The following PKD1L3 variants were observed in gnomAD, a reference collection of about 807,000 sequenced individuals.
The protein encoded by PKD1L3 is polycystin-1-like protein 3.
Under a neutral mutation model 184.1 loss-of-function variants are expected in PKD1L3, and 239 were observed. The observed-to-expected ratio is 1.30, with a 90% CI of 1.17 to 1.45. The LOEUF (loss-of-function observed/expected upper bound fraction) is 1.45. PKD1L3 is among the 40% of genes most tolerant of loss of function. The pLI is 0.00. For missense variants in PKD1L3, 2,660 were observed against 2,067.2 expected, an observed-to-expected ratio of 1.29 and a Z score of -5.56; for synonymous variants, 996 against 778.8, an observed-to-expected ratio of 1.28 and a Z score of -4.64.
chr16:71,941,410 A>G (rs2143215506), intron 24 of PKD1L3, among the ~76,000 whole-genome samples: 1 of 152,152 alleles, frequency 6.6e-6, no homozygotes, highest in Admixed American at 6.5e-5. Flanking sequence ...AAGATGGAAA[A>G]CAGAAGCAAA....
chr16:71,931,096 GTTT>G (rs923098777), intron 28 of PKD1L3: 1 of 151,934 alleles, frequency 6.6e-6, no homozygotes, highest in African/African-American at 2.4e-5. Flanking sequence ...TGCTCTATTT[GTTT>G]TTTAATGTTT....
intron 28 of PKD1L3, 70 bp downstream of exon 28, chr16:71,933,350 C>T (rs1567485300): frequency 3.3e-6 from 4 of 1,206,516 alleles, no homozygotes; most frequent in Non-Finnish European, 4.8e-6. Context: ...GGGCTGTTTT[C>T]ATAAGGACCC....
chr16:71,997,104 C>T (rs946335311), intron 2 of PKD1L3, among the ~76,000 whole-genome samples: 3 of 152,042 alleles, frequency 2.0e-5, no homozygotes, highest in Admixed American at 6.6e-5. Flanking sequence ...AGTATGACTG[C>T]TATGGCTAGA....
intron 15 of PKD1L3, among the ~76,000 whole-genome samples, chr16:71,966,000 C>G (rs899159718): frequency 6.6e-6 from 1 of 151,886 alleles, no homozygotes; most frequent in African/African-American, 2.4e-5. Flanking sequence ...GGATGGTTTA[C>G]AAGCTGATTT....
chr16:71,988,846 G>C (rs1030234547), intron 4 of PKD1L3, among the ~76,000 whole-genome samples: 1 of 152,228 alleles, frequency 6.6e-6, no homozygotes, highest in Admixed American at 6.5e-5. Context: ...TGGACAAATA[G>C]TTGTGAAGAA....
intron 16 of PKD1L3, among the ~76,000 whole-genome samples, chr16:71,959,084 CAAAAAAA>C (rs34063785): frequency 2.6e-4 from 20 of 77,032 alleles, no homozygotes; most frequent in African/African-American, 9.0e-4. Flanking sequence ...ACTCCCGTCT[CAAAAAAA>C]AAAAAAAAAA....
chr16:71,935,425 C>G lies in PKD1L3; in HGVS notation c.4546G>C (p.Gly1516Arg), dbSNP rs373016656. Residue 1516 changes from glycine to arginine, a missense_variant, in exon 26 of 30, where the codon GGG becomes CGG. By Grantham distance (125) the Gly-to-Arg change is moderately radical. Coordinates refer to ENST00000620267, the MANE Select transcript of PKD1L3 (RefSeq NM_181536.2). ...SIILISFILL[G>R]LDMKSISLHK... ...AGAGAAATACTCTTCATGTCAAGCC[C>G]CAGGAGGATGAAGCTAATGAGGATT... 7.1e-6 allele frequency: 11 copies of G among 1,551,858 alleles called. No homozygotes were observed. The highest frequency in any genetic ancestry group is 8.7e-6 in the Non-Finnish European group (10 of 1,147,050).
rs2038761764 is a variant in PKD1L3, at chr16:71,949,884, C to T, written c.3517G>A (p.Ala1173Thr). 1 of 1,551,500 alleles carries T rather than the reference C, an allele frequency of 6.4e-7. No homozygotes were observed. Among genetic ancestry groups the T allele is most frequent in the African/African-American group, 1.4e-5 (1 of 73,004 alleles). Residue 1173 changes from alanine to threonine, a missense_variant, in exon 21 of 30, where the codon GCA becomes ACA. Physicochemically the swap from Ala to Thr is moderately conservative, Grantham distance 58. Transcript: ENST00000620267. Reference sequence around the variant, plus strand: ...TTGCTCAATTCCAAGCTATAAAGTGCTGTAAAAAAGGCTGAAGCCAGGCTA... The same window carrying T: ...TTGCTCAATTCCAAGCTATAAAGTGTTGTAAAAAAGGCTGAAGCCAGGCTA... ...FTSLASAFFTALYSLELSKDQ... is the reference protein window; with the variant it reads ...FTSLASAFFTTLYSLELSKDQ...
Position 72,000,123 on chromosome 16 carries a change from G to C in PKD1L3, c.-145C>G, listed in dbSNP as rs975257468. On this transcript the variant is annotated 5_prime_UTR_variant, in exon 1 of 30. An upstream open reading frame in the 5' UTR gains an earlier in-frame stop. Transcript: ENST00000620267. ...CCAAGGATACAAAAGGTTTTGTTTT[G>C]AGGACCCAGGTGCAGGTCCTACAAG... 13 of 684,228 alleles carry C rather than the reference G, an allele frequency of 1.9e-5. No homozygotes were observed. Among genetic ancestry groups the C allele is most frequent in the Non-Finnish European group, 2.5e-5 (11 of 444,798 alleles). The allele number at this position is 684,228 out of a possible 1,614,324, so 42.4% of individuals were successfully genotyped here. A position where few individuals can be genotyped will look rare whatever the true frequency, so the allele number is the denominator to read the frequency against.
At chr16:71,999,613 CT>C (rs58914191) in intron 1 of PKD1L3, 70 bp downstream of exon 1, 1,498 of 1,189,136 alleles carry the variant, frequency 1.3e-3, no homozygotes, top group South Asian at 3.1e-3. Flanking sequence ...TTAAGATTTT[CT>C]TTTTTTTTTC....
chr16:71,999,468 G>C (rs1254725474), intron 1 of PKD1L3, among the ~76,000 whole-genome samples: 1 of 152,178 alleles, frequency 6.6e-6, no homozygotes, highest in Non-Finnish European at 1.5e-5. Context: ...GTTAACTTTA[G>C]ATGGGTTCCA....
At position 71,930,139 on chromosome 16, in the gene PKD1L3, G is replaced by A; in HGVS notation, c.4971C>T (p.Thr1657=). Residue 1657 remains threonine, a synonymous_variant, in exon 29 of 30, where the codon ACC becomes ACT. Coordinates refer to ENST00000620267, the MANE Select transcript of PKD1L3 (RefSeq NM_181536.2). The stretch of plus-strand genomic sequence containing the variant: ...CCACAAGTACCATCAAGATGACACT[G>A]GTGAGGATCAGAAAGGTGCCCAGGA... The part of the protein sequence containing the change: ...DPVLGTFLIL[T]SVILMVLVVI... 3 of 1,551,544 alleles carry A rather than the reference G, an allele frequency of 1.9e-6. No individual in the cohort carries two copies. The highest frequency in any genetic ancestry group is 2.6e-6 in the Non-Finnish European group (3 of 1,146,814).
Position 71,950,118 on chromosome 16 carries a change from C to CT in PKD1L3, c.3382dup (p.Arg1128LysfsTer38). On this transcript the variant is annotated frameshift_variant and splice_region_variant, in exon 20 of 30. Coordinates refer to ENST00000620267, the MANE Select transcript of PKD1L3 (RefSeq NM_181536.2). LOFTEE classifies it high-confidence loss of function. Reference sequence around the variant, plus strand: ...AAGAAGGCTTGGTGTGGTGCATTACCTGGATGGCTCTTGCTCCGTGGGAAG... The same window carrying CT: ...AAGAAGGCTTGGTGTGGTGCATTACCTTGGATGGCTCTTGCTCCGTGGGAAG... 1 of 1,551,404 alleles carries CT rather than the reference C, an allele frequency of 6.4e-7. No individual in the cohort carries two copies. The highest frequency in any genetic ancestry group is 1.2e-5 in the South Asian group (1 of 83,992).
intron 22 of PKD1L3, 124 bp from the exon 23 acceptor site, chr16:71,944,294 T>C (rs2038474881): frequency 6.5e-6 from 6 of 927,210 alleles, no homozygotes; most frequent in Non-Finnish European, 9.8e-6. Flanking sequence ...AAACTACCTA[T>C]GCAGTGCTTC....
chr16:71,954,099 C>G lies in PKD1L3; in HGVS notation c.2809+6G>C. ...ACAAACAACACACATCAGGGCTCAT[C>G]CATACTTTGCTCATCTCTCTTGGCA... On this transcript the variant is annotated splice_donor_region_variant and intron_variant, in intron 17 of 29. Transcript: ENST00000620267. The G allele has an allele frequency of 6.6e-7, 1 of 1,526,080 alleles. No homozygotes were observed. Among genetic ancestry groups the G allele is most frequent in the South Asian group, 1.3e-5 (1 of 79,474 alleles). The allele number at this position is 1,526,080 out of a possible 1,614,324, so 94.5% of individuals were successfully genotyped here. A position where few individuals can be genotyped will look rare whatever the true frequency, so the allele number is the denominator to read the frequency against.
chr16:71,942,886 G>A lies in PKD1L3; in HGVS notation c.3998C>T (p.Pro1333Leu), dbSNP rs1189447372. ...SEIKLLQDFY[P>L]WANHILLPSL... is the part of the protein sequence containing the mutation. ...AGGAAGAAGGATATGATTGGCCCAG[G>A]GGTAGAAATCCTGAAGAAGTTTGAT... is the stretch of plus-strand genomic sequence containing the variant. Residue 1333 changes from proline (P) to leucine (L), a missense_variant, in exon 24 of 30, where the codon CCC becomes CTC. Coordinates refer to ENST00000620267, the MANE Select transcript of PKD1L3 (RefSeq NM_181536.2). 1.9e-6 allele frequency: 3 copies of A among 1,551,608 alleles called. No individual in the cohort carries two copies. Among genetic ancestry groups the A allele is most frequent in the African/African-American group, 2.7e-5 (2 of 73,134 alleles).
Position 71,944,117 on chromosome 16 carries a change from C to T in PKD1L3, c.3772G>A (p.Val1258Ile). Reference sequence around the variant, plus strand: ...GTTGGACTATTTATAGCTGGGGCTACATAGACGGGGTTGTTCTTATCTCTT... The same window carrying T: ...GTTGGACTATTTATAGCTGGGGCTATATAGACGGGGTTGTTCTTATCTCTT... ...GSRDKNNPVY[V>I]APAINSPTKH... The change falls in exon 23 of 30, where the codon GTA becomes ATA. Residue 1258 changes from valine to isoleucine, a missense_variant. By Grantham distance (29) the Val-to-Ile change is conservative. Transcript: ENST00000620267. The T allele has an allele frequency of 6.4e-7, 1 of 1,551,528 alleles. No individual in the cohort carries two copies. Among genetic ancestry groups the T allele is most frequent in the Non-Finnish European group, 8.7e-7 (1 of 1,146,654 alleles).
At chr16:71,987,844 G>A (rs1035572552) in intron 4 of PKD1L3, among the ~76,000 whole-genome samples, 1 of 151,998 alleles carries the variant, frequency 6.6e-6, no homozygotes, top group Admixed American at 6.6e-5. Context: ...GAGAGAGAGA[G>A]CTCTGCCCAT....
chr16:71,953,047 A>C lies in PKD1L3; in HGVS notation c.2856T>G (p.His952Gln). Residue 952 changes from histidine to glutamine, a missense_variant, in exon 18 of 30, where the codon CAT becomes CAG. Physicochemically the swap from His to Gln is conservative, Grantham distance 24. Coordinates refer to ENST00000620267, the MANE Select transcript of PKD1L3 (RefSeq NM_181536.2). ...VAWSELLVSIHTAVILFPINL... is the reference protein window; with the variant it reads ...VAWSELLVSIQTAVILFPINL... ...TGATTGGGAAGAGGATGACAGCAGTATGGATGCTGACCAGCAGTTCAGACC... is the reference window on the plus strand; with the variant it reads ...TGATTGGGAAGAGGATGACAGCAGTCTGGATGCTGACCAGCAGTTCAGACC... The C allele has an allele frequency of 6.5e-7, 1 of 1,543,686 alleles. No homozygotes were observed.
Sources: allele counts gnomAD v4.1 joint callset (sites outside exome capture counted in the v4.1 genomes callset), GRCh38; gene constraint gnomAD v4.1.1; transcripts MANE v1.5; gene names NCBI Gene and HGNC (gene_info 2026-07-23, HGNC 2026-07-21).